RGPD1: variants seen among roughly 807,000 people sequenced by gnomAD.
The protein encoded by RGPD1 is RANBP2-like and GRIP domain-containing protein 1.
In RGPD1, 7 loss-of-function variants were observed where a neutral mutation model predicts 40.6. The observed-to-expected ratio is 0.17, with a 90% CI of 0.10 to 0.32. The LOEUF is 0.32. Ranked by LOEUF, RGPD1 falls within the 10% of genes least tolerant of loss-of-function variation. RGPD1 has a pLI of 1.00. For synonymous variants in RGPD1, 24 were observed against 167.0 expected, an observed-to-expected ratio of 0.14 and a Z score of 6.60; for missense variants, 50 against 472.5, an observed-to-expected ratio of 0.11 and a Z score of 8.29.
In RGPD1 at chr2:86,915,276, ATAGAGT is replaced by A. The variant is rs1165017203; in HGVS notation, c.72+1359_72+1364del. Among the ~76,000 whole-genome samples the A allele has an allele frequency of 3.5e-4, 53 of 151,110 alleles. 2 individuals are homozygous for A. The highest frequency in any genetic ancestry group is 3.4e-3 in the Middle Eastern group (1 of 292). ...GTGCCACTGCACTCCAGCCTAGGTG[ATAGAGT>A]TAGGGTTAGGGTTAGGGTTAGGCAA... On this transcript the variant is annotated intron_variant, in intron 1 of 22. Coordinates refer to the RGPD1 transcript ENST00000398193.
intron 1 of RGPD1, among the ~76,000 whole-genome samples, chr2:86,915,405 C>A (rs1211583603): frequency 6.9e-6 from 1 of 144,172 alleles, no homozygotes; most frequent in Non-Finnish European, 1.5e-5. Context: ...TCCTTGCCTT[C>A]TAAAAGGTAT....
At chr2:86,988,464 AAAAC>A (rs1473197800) in intron 20 of RGPD1, among the ~76,000 whole-genome samples, 1 of 98,866 alleles carries the variant, frequency 1.0e-5, no homozygotes, top group Non-Finnish European at 2.1e-5. Flanking sequence ...AAAAAACAAA[AAAAC>A]AAAAAAAACC....
upstream of RGPD1, among the ~76,000 whole-genome samples, chr2:86,938,611 A>AT (rs1446951822): frequency 3.9e-3 from 590 of 151,730 alleles, 1 homozygote; most frequent in African/African-American, 0.013. Context: ...AAAAAAAAAA[A>AT]AAATAAATAA....
At chr2:86,960,683 G>C (rs1158679641) in intron 6 of RGPD1, among the ~76,000 whole-genome samples, 2 of 111,854 alleles carry the variant, frequency 1.8e-5, no homozygotes, top group Non-Finnish European at 3.4e-5. Flanking sequence ...TCTGTCTCCA[G>C]GGTTCATGCC....
intron 1 of RGPD1, among the ~76,000 whole-genome samples, chr2:86,923,298 C>T (rs1348788601): frequency 6.6e-6 from 1 of 151,614 alleles, no homozygotes; most frequent in Non-Finnish European, 1.5e-5. Flanking sequence ...CCTTGGTGTC[C>T]CAAAGTGCTG....
intron 1 of RGPD1, among the ~76,000 whole-genome samples, chr2:86,924,173 G>GTTTT (rs1195100681): frequency 6.8e-4 from 96 of 141,824 alleles, no homozygotes; most frequent in Non-Finnish European, 1.1e-3. Flanking sequence ...TTTGGGGGAG[G>GTTTT]GGGACAGAGT....
chr2:86,920,242 G>A (rs1406466830), intron 1 of RGPD1, among the ~76,000 whole-genome samples: 1 of 151,624 alleles, frequency 6.6e-6, no homozygotes, highest in East Asian at 1.9e-4. Flanking sequence ...GCTAATTTCT[G>A]TATTTTTAGT....
rs1402982733 is a variant in RGPD1, at chr2:86,918,608, C to T, written c.72+4687C>T. Among the ~76,000 whole-genome samples, 6 of 148,254 alleles carry T rather than the reference C, an allele frequency of 4.0e-5. No homozygotes were observed. The South Asian group carries it at 8.7e-4, about 21-fold the overall frequency. The stretch of plus-strand genomic sequence containing the variant: ...CCGAGTAGCCGGGACTACAGGCGCC[C>T]GCCACCACGCCCGGCTAATTTTTTG... On this transcript the variant is annotated intron_variant, in intron 1 of 22. Transcript: ENST00000398193.
chr2:87,003,219 AAT>A lies in RGPD1; in HGVS notation c.5236+5464_5236+5465del, dbSNP rs1682004075. The A allele has an allele frequency of 2.2e-5, 3 of 139,296 alleles. No homozygotes were observed. The South Asian group carries it at 7.3e-4, about 34-fold the overall frequency. 8.6% of individuals were successfully genotyped at this position (139,296 alleles called of 1,614,324 possible). ...CCTGACCCACAGAAACTGTGAAATA[AAT>A]ATGTGTTAAGGTACTAAGTTTGTAG... is the stretch of plus-strand genomic sequence containing the variant. On this transcript the variant is annotated intron_variant, in intron 22 of 22. Transcript: ENST00000641458.
intron 1 of RGPD1, among the ~76,000 whole-genome samples, chr2:86,944,507 A>G (rs1224627639): frequency 1.3e-5 from 2 of 151,746 alleles, no homozygotes; most frequent in African/African-American, 4.8e-5. Context: ...AGCTCAAGCG[A>G]TCCTCCCACC....
intron 1 of RGPD1, among the ~76,000 whole-genome samples, chr2:86,925,132 T>C (rs1209408717): frequency 6.6e-6 from 1 of 152,188 alleles, no homozygotes; most frequent in Non-Finnish European, 1.5e-5. Flanking sequence ...TTTTAAAAAA[T>C]TTGTAAGCTG....
chr2:86,943,418 G>A (rs1400832227), intron 1 of RGPD1, among the ~76,000 whole-genome samples: 2 of 151,824 alleles, frequency 1.3e-5, no homozygotes, highest in Non-Finnish European at 2.9e-5. Flanking sequence ...CCTCTTTACA[G>A]GTAAATAATG....
At chr2:86,993,252 G>A (rs1681701667) in intron 20 of RGPD1, among the ~76,000 whole-genome samples, 1 of 150,716 alleles carries the variant, frequency 6.6e-6, no homozygotes, top group Non-Finnish European at 1.5e-5. Flanking sequence ...AACCCGGGAA[G>A]AGGGAGAAGG....
At chr2:86,944,009 A>G (rs550742674) in intron 1 of RGPD1, among the ~76,000 whole-genome samples, 2 of 149,708 alleles carry the variant, frequency 1.3e-5, no homozygotes, top group East Asian at 2.0e-4. Flanking sequence ...GGGAGACTCC[A>G]AAAAAAAACA....
At chr2:86,926,026 A>G (rs1002203389) in intron 1 of RGPD1, among the ~76,000 whole-genome samples, 1 of 152,284 alleles carries the variant, frequency 6.6e-6, no homozygotes, top group African/African-American at 2.4e-5. Context: ...ACTTGTAAAT[A>G]AACTTGTGGC....
At chr2:86,930,592 C>T (rs1558790311) in intron 1 of RGPD1, 6 of 1,611,378 alleles carry the variant, frequency 3.7e-6, no homozygotes, top group Admixed American at 3.3e-5. Context: ...CACCAGAGCT[C>T]ATAGTAGTAG....
chr2:86,930,182 C>T, intron 1 of RGPD1: 1 of 1,451,128 alleles, frequency 6.9e-7, no homozygotes, highest in Non-Finnish European at 9.4e-7. Flanking sequence ...GACTCACCCT[C>T]CTGATGAGGG....
intron 1 of RGPD1, among the ~76,000 whole-genome samples, chr2:86,929,909 C>A (rs1393275314): frequency 7.1e-6 from 1 of 140,082 alleles, no homozygotes; most frequent in Non-Finnish European, 1.6e-5. Flanking sequence ...GGCAAGTAAC[C>A]CATCCACCCT....
chr2:86,931,285 A>G (rs1358937328), intron 1 of RGPD1, among the ~76,000 whole-genome samples: 1 of 151,714 alleles, frequency 6.6e-6, no homozygotes. Flanking sequence ...TCACCCCCAT[A>G]TTTCTGGTAG....
Sources: allele counts gnomAD v4.1 joint callset (sites outside exome capture counted in the v4.1 genomes callset), GRCh38; gene constraint gnomAD v4.1.1; transcripts MANE v1.5; gene names NCBI Gene and HGNC (gene_info 2026-07-23, HGNC 2026-07-21).